The following INCENP variants were observed in gnomAD, a reference collection of about 807,000 sequenced individuals.
The protein encoded by INCENP is inner centromere protein, also known as binds and activates aurora-B and -C in vivo and in vitro.
In INCENP, 43 loss-of-function variants were observed where a neutral mutation model predicts 107.3. The ratio of observed to expected loss-of-function variants is 0.40; its 90% CI spans 0.31 to 0.52. The LOEUF is 0.52. INCENP is among the 20% of genes least tolerant of loss of function. INCENP has a pLI of 0.53. For synonymous variants in INCENP, 488 were observed against 494.4 expected (o/e 0.99, Z 0.17); for missense variants, 1,089 against 1,250.9 (o/e 0.87, Z 1.95).
chr11:62,135,372 T>C (rs1259546317), intron 4 of INCENP, among the ~76,000 whole-genome samples: 1 of 151,992 alleles, frequency 6.6e-6, no homozygotes, highest in Non-Finnish European at 1.5e-5. Flanking sequence ...GTTCAAGTGA[T>C]TCTCTTGCCT....
At position 62,145,664 on chromosome 11, in the gene INCENP, G is replaced by T; in HGVS notation, c.1872G>T (p.Lys624Asn). Reference sequence around the variant, plus strand: ...AGCGGCTGGCAGAGGAGAAGGCCAAGAAAAAGGCGGCGGCCAAGAAGATGG... The same window carrying T: ...AGCGGCTGGCAGAGGAGAAGGCCAATAAAAAGGCGGCGGCCAAGAAGATGG... Reference protein sequence around the residue: ...KEERLAEEKAKKKAAAKKMEE... With the variant: ...KEERLAEEKANKKAAAKKMEE... The change falls in exon 14 of 19, where the codon AAG becomes AAT. Residue 624 changes from lysine (K) to asparagine (N), a missense_variant. Coordinates refer to ENST00000394818, the MANE Select transcript of INCENP (RefSeq NM_001040694.2). 1 of 1,582,422 alleles carries T rather than the reference G, an allele frequency of 6.3e-7. No homozygotes were observed. Among genetic ancestry groups the T allele is most frequent in the Admixed American group, 1.8e-5 (1 of 55,004 alleles).
intron 17 of INCENP, 82 bp downstream of exon 17, chr11:62,148,928 G>A: frequency 1.3e-6 from 1 of 797,118 alleles, no homozygotes; most frequent in Non-Finnish European, 2.0e-6. Context: ...GGCACAGGCT[G>A]TGTTAGGCCC....
chr11:62,138,816 C>T lies in INCENP; in HGVS notation c.1173+46C>T, dbSNP rs201926455. 1,714 of 1,608,690 alleles carry T rather than the reference C, an allele frequency of 1.1e-3. 12 individuals carry two copies. In the African/African-American group the frequency reaches 0.019, roughly 17 times the overall value. ...AGGGAGGACTCACCTCTGGGGCTCC[C>T]GCTCTGCACTACGGCCATCCTGGGC... On this transcript the variant is annotated intron_variant, in intron 6 of 18. Transcript: ENST00000394818.
intron 2 of INCENP, 142 bp from the exon 3 acceptor site, chr11:62,128,628 A>G (rs1590603579): frequency 1.7e-5 from 11 of 659,632 alleles, no homozygotes; most frequent in Admixed American, 1.0e-4. Context: ...TGACTTGCAC[A>G]TGGCCTTGGA....
chr11:62,142,466 C>T (rs1944145556), intron 11 of INCENP, among the ~76,000 whole-genome samples: 1 of 152,232 alleles, frequency 6.6e-6, no homozygotes, highest in Non-Finnish European at 1.5e-5. Flanking sequence ...GGTCCCCTTT[C>T]CTGCTTTGGG....
chr11:62,130,306 C>A lies in INCENP; in HGVS notation c.779C>A (p.Ala260Glu). 1 of 1,611,666 alleles carries A rather than the reference C, an allele frequency of 6.2e-7. No individual in the cohort carries two copies. The highest frequency in any genetic ancestry group is 8.5e-7 in the Non-Finnish European group (1 of 1,180,016). The change falls in exon 4 of 19, where the codon GCG becomes GAG. Residue 260 changes from alanine (A) to glutamate (E), a missense_variant. Transcript: ENST00000394818. ...TGRSASKLRI[A>E]QVSPGPRDSP... is the part of the protein sequence containing the mutation. ...CGGTCTGCGTCTAAGCTCAGGATTG[C>A]GCAGGTCTCCCCTGGCCCACGGGAC...
chr11:62,145,839 T>G, intron 14 of INCENP, 88 bp downstream of exon 14: 2 of 1,420,956 alleles, frequency 1.4e-6, no homozygotes, highest in Non-Finnish European at 1.9e-6. Context: ...CACCCCACCT[T>G]GTGGGGTTGA....
chr11:62,145,625 G>C lies in INCENP; in HGVS notation c.1837-4G>C, dbSNP rs772087371. The C allele has an allele frequency of 6.3e-7, 1 of 1,593,264 alleles. No homozygotes were observed. Among genetic ancestry groups the C allele is most frequent in the Non-Finnish European group, 8.5e-7 (1 of 1,170,086 alleles). On this transcript the variant is annotated splice_polypyrimidine_tract_variant and splice_region_variant and intron_variant, in intron 13 of 18. Transcript: ENST00000394818. ...CAATGGGCATGTGTGGGTGGGCTCTGCAGGCCAAGGAGGAGCGGCTGGCAG... is the reference window on the plus strand; with the variant it reads ...CAATGGGCATGTGTGGGTGGGCTCTCCAGGCCAAGGAGGAGCGGCTGGCAG...
chr11:62,147,948 G>T (rs559458018), intron 15 of INCENP, among the ~76,000 whole-genome samples: 2 of 152,254 alleles, frequency 1.3e-5, no homozygotes, highest in South Asian at 2.1e-4. Flanking sequence ...TTAGTCCTCA[G>T]TTGAAGCCCA....
chr11:62,145,391 C>T (rs1944220657), intron 13 of INCENP, 102 bp downstream of exon 13: 2 of 1,522,394 alleles, frequency 1.3e-6, no homozygotes, highest in Non-Finnish European at 8.9e-7. Context: ...TACCCCTGTA[C>T]CCATCTCCTG....
At chr11:62,136,921 C>T (rs759313986) in intron 4 of INCENP, among the ~76,000 whole-genome samples, 3 of 152,210 alleles carry the variant, frequency 2.0e-5, no homozygotes, top group Non-Finnish European at 4.4e-5. Context: ...TGATTAGTTA[C>T]GACCTCGTGG....
chr11:62,139,074 C>T (rs1470034782), intron 7 of INCENP, 69 bp downstream of exon 7: 1 of 1,088,608 alleles, frequency 9.2e-7, no homozygotes, highest in African/African-American at 1.5e-5. Context: ...TCGGCCTGAC[C>T]TTCTCTCTGG....
chr11:62,126,511 A>G (rs1007796843), intron 1 of INCENP, among the ~76,000 whole-genome samples: 1 of 152,158 alleles, frequency 6.6e-6, no homozygotes, highest in Non-Finnish European at 1.5e-5. Flanking sequence ...TTGGTTTTAA[A>G]GAGGTAAGTC....
chr11:62,137,755 C>T, intron 4 of INCENP, 77 bp from the exon 5 acceptor site: 1 of 1,368,842 alleles, frequency 7.3e-7, no homozygotes, highest in East Asian at 2.3e-5. Context: ...TTGCTGGAAC[C>T]CGGTCCCCTG....
At chr11:62,124,660 T>C (rs1943711683) in intron 1 of INCENP, among the ~76,000 whole-genome samples, 1 of 152,224 alleles carries the variant, frequency 6.6e-6, no homozygotes, top group Non-Finnish European at 1.5e-5. Context: ...TAACATGGGT[T>C]GCTCGCGGGG....
intron 4 of INCENP, among the ~76,000 whole-genome samples, chr11:62,133,246 T>C (rs1943926003): frequency 6.6e-6 from 1 of 152,162 alleles, no homozygotes; most frequent in African/African-American, 2.4e-5. Context: ...TTAACAAATT[T>C]AATTTCCCAA....
rs780649100 is a variant in INCENP at position 62,151,927 on chromosome 11, A to G, written c.2708A>G (p.Gln903Arg). The G allele has an allele frequency of 1.3e-5, 21 of 1,613,246 alleles. No individual in the cohort carries two copies. The Admixed American group carries it at 3.5e-4, about 27-fold the overall frequency. The change falls in exon 19 of 19, where the codon CAG (glutamine) becomes CGG (arginine). Residue 903 changes from glutamine to arginine, a missense_variant. By Grantham distance (43) the Gln-to-Arg change is conservative (BLOSUM62 1). Coordinates refer to ENST00000394818, the MANE Select transcript of INCENP (RefSeq NM_001040694.2). ...GCTGTCTGGAACTCACCGCCCCTGC[A>G]GGGCGCCAGGGTCCCCAGCAGCCTG... Reference protein sequence around the residue: ...SSAVWNSPPLQGARVPSSLAY... With the variant: ...SSAVWNSPPLRGARVPSSLAY...
intron 4 of INCENP, among the ~76,000 whole-genome samples, chr11:62,133,379 G>A (rs535510546): frequency 1.1e-3 from 172 of 152,224 alleles, no homozygotes; most frequent in African/African-American, 3.6e-3. Context: ...TGGCCCCGGG[G>A]CGTGGAACTG....
At chr11:62,127,143 T>G (rs1310371220) in intron 1 of INCENP, among the ~76,000 whole-genome samples, 2 of 152,042 alleles carry the variant, frequency 1.3e-5, no homozygotes, top group Non-Finnish European at 2.9e-5. Flanking sequence ...TTCAAGTGAT[T>G]CTCCAGGCTC....
Sources: allele counts gnomAD v4.1 joint callset (sites outside exome capture counted in the v4.1 genomes callset), GRCh38; gene constraint gnomAD v4.1.1; transcripts MANE v1.5; gene names NCBI Gene and HGNC (gene_info 2026-07-23, HGNC 2026-07-21).